Variants in UNC13C observed in about 807,000 individuals in gnomAD.
The protein encoded by UNC13C is unc-13 homolog C, also known as protein unc-13 homolog C.
UNC13C carries 174 observed loss-of-function variants against 245.4 expected under a neutral mutation model. The ratio of observed to expected loss-of-function variants is 0.71; its 90% CI spans 0.63 to 0.80. UNC13C has a LOEUF of 0.80. Ranked by LOEUF, UNC13C falls within the 30% of genes least tolerant of loss-of-function variation. The pLI is 0.00. For synonymous variants in UNC13C, 992 were observed against 895.1 expected (o/e 1.11, Z -1.93); for missense variants, 2,829 against 2,602.9 (o/e 1.09, Z -1.89).
At chr15:54,009,656 C>T (rs1047145035) in intron 1 of UNC13C, among the ~76,000 whole-genome samples, 7 of 151,750 alleles carry the variant, frequency 4.6e-5, no homozygotes, top group Admixed American at 2.0e-4. Flanking sequence ...AAGTGATTCT[C>T]CTGCCTCAGC....
At chr15:53,890,262 C>G in the UNC13C span, among the ~76,000 whole-genome samples, 1 of 152,048 alleles carries the variant, frequency 6.6e-6, no homozygotes, top group Non-Finnish European at 1.5e-5. Context: ...CTGCCTCAGC[C>G]TCCTGAGTAG....
chr15:53,859,628 G>A, the UNC13C span, among the ~76,000 whole-genome samples: 5 of 115,340 alleles, frequency 4.3e-5, no homozygotes, highest in Non-Finnish European at 9.9e-5. Context: ...ATAAGTACAG[G>A]CATACACACA....
At chr15:54,448,216 A>G (rs143469551) in intron 19 of UNC13C, among the ~76,000 whole-genome samples, 21,715 of 152,128 alleles carry the variant, frequency 0.14, 1,576 homozygotes, top group Non-Finnish European at 0.17. Context: ...TTTTGGAATA[A>G]GTGCGGTGTG....
intron 6 of UNC13C, among the ~76,000 whole-genome samples, chr15:54,236,869 A>G (rs1398766478): frequency 3.9e-5 from 6 of 152,166 alleles, no homozygotes; most frequent in Non-Finnish European, 8.8e-5. Flanking sequence ...TTCCACAATG[A>G]CATCCCTTTG....
chr15:53,864,567 A>G, the UNC13C span, among the ~76,000 whole-genome samples: 1 of 152,208 alleles, frequency 6.6e-6, no homozygotes, highest in Non-Finnish European at 1.5e-5. Flanking sequence ...TGTGAATTTC[A>G]GTTTTAAACT....
Position 54,561,456 on chromosome 15 carries a change from A to G in UNC13C, c.5958+5944A>G, listed in dbSNP as rs1374850616. 3.3e-5 allele frequency among the ~76,000 whole-genome samples: 5 copies of G among 152,000 alleles called. No homozygotes were observed. In the East Asian group the frequency reaches 9.7e-4, roughly 29 times the overall value. ...TCTTGAAAGACAGATGGGCGTTTAC[A>G]GGCTGGATAGAAAGTTTTTTTTTGG... is the stretch of plus-strand genomic sequence containing the variant. On this transcript the variant is annotated intron_variant, in intron 29 of 32. Coordinates refer to ENST00000260323, the MANE Select transcript of UNC13C (RefSeq NM_001080534.3).
rs927762915 is a variant in UNC13C, at chr15:54,628,297, T to TAA, written c.*1187_*1188dup. On this transcript the variant is annotated 3_prime_UTR_variant, in exon 33 of 33. Transcript: ENST00000260323. ...GAGTCTATGCCAAAATATATGGCTG[T>TAA]AAAACAGTACTTTGTAATTATAACT... is the stretch of plus-strand genomic sequence containing the variant. 2 of 152,326 alleles carry TAA rather than the reference T, an allele frequency of 1.3e-5. No individual in the cohort carries two copies. Among genetic ancestry groups the TAA allele is most frequent in the African/African-American group, 2.4e-5 (1 of 41,464 alleles). The allele number at this position is 152,326 out of a possible 1,614,324, so 9.4% of individuals were successfully genotyped here.
chr15:54,559,209 C>T (rs1005605583), intron 29 of UNC13C, among the ~76,000 whole-genome samples: 5 of 151,954 alleles, frequency 3.3e-5, no homozygotes, highest in African/African-American at 1.2e-4. Flanking sequence ...TCAAATATAG[C>T]TTTGGAACTT....
the UNC13C span, among the ~76,000 whole-genome samples, chr15:53,877,430 G>C: frequency 2.0e-5 from 3 of 152,216 alleles, no homozygotes; most frequent in South Asian, 6.2e-4. Flanking sequence ...GAATTTCAAA[G>C]GACTGGGTAG....
intron 19 of UNC13C, among the ~76,000 whole-genome samples, chr15:54,428,372 A>G (rs2040800622): frequency 6.6e-6 from 1 of 151,418 alleles, no homozygotes; most frequent in African/African-American, 2.4e-5. Flanking sequence ...AATCGCTCTG[A>G]ACTCTTTGTC....
chr15:54,014,119 A>G lies in UNC13C; in HGVS notation c.1216A>G (p.Thr406Ala), dbSNP rs1240947865. 5.6e-6 allele frequency: 9 copies of G among 1,613,626 alleles called. No individual in the cohort carries two copies. Among genetic ancestry groups the G allele is most frequent in the Non-Finnish European group, 3.4e-6 (4 of 1,179,828 alleles). Residue 406 changes from threonine (T) to alanine (A), a missense_variant, in exon 2 of 33, where the codon ACA becomes GCA. Physicochemically the swap from Thr to Ala is moderately conservative, Grantham distance 58 (BLOSUM62 0). Coordinates refer to ENST00000260323, the MANE Select transcript of UNC13C (RefSeq NM_001080534.3). ...CAAAGGAACAGGCATTGGAATCTCA[A>G]CAGATATTCTAACTCATGACATCAG... is the stretch of plus-strand genomic sequence containing the variant. Reference protein sequence around the residue: ...KLKGTGIGISTDILTHDIRER... With the variant: ...KLKGTGIGISADILTHDIRER...
the UNC13C span, among the ~76,000 whole-genome samples, chr15:53,893,845 T>C: frequency 3.3e-5 from 5 of 152,186 alleles, no homozygotes; most frequent in Admixed American, 2.6e-4. Flanking sequence ...TCAGCACCCC[T>C]TTCAAGGGGA....
intron 2 of UNC13C, among the ~76,000 whole-genome samples, chr15:54,114,517 TG>T (rs1198857738): frequency 1.3e-5 from 2 of 152,204 alleles, no homozygotes; most frequent in Non-Finnish European, 2.9e-5. Flanking sequence ...ACTACTCACA[TG>T]GATGCCTATC....
At chr15:53,892,879 A>C in the UNC13C span, among the ~76,000 whole-genome samples, 1 of 152,220 alleles carries the variant, frequency 6.6e-6, no homozygotes, top group South Asian at 2.1e-4. Flanking sequence ...TTGTCAATTC[A>C]TCAAACTCAT....
chr15:54,525,463 C>A, intron 24 of UNC13C, 86 bp from the exon 25 acceptor site: 1 of 850,026 alleles, frequency 1.2e-6, no homozygotes, highest in Non-Finnish European at 1.8e-6. Flanking sequence ...TTGAAGTTAC[C>A]ATATAATAAT....
rs183047877 is a variant in UNC13C at position 54,216,705 on chromosome 15, T to G, written c.3072-18325T>G. ...CTTAGTTCAGTATTTTATTAATACA[T>G]GCCCAGAGTGAGCGAGATGAAAGAC... On this transcript the variant is annotated intron_variant, in intron 4 of 32. Coordinates refer to ENST00000260323, the MANE Select transcript of UNC13C (RefSeq NM_001080534.3). Among the ~76,000 whole-genome samples, 8 of 152,142 alleles carry G rather than the reference T, an allele frequency of 5.3e-5. No individual in the cohort carries two copies. The East Asian group carries it at 1.5e-3, about 29-fold the overall frequency.
Position 54,014,075 on chromosome 15 carries a change from T to TA in UNC13C, c.1178dup (p.Ser394ValfsTer3). On this transcript the variant is annotated frameshift_variant, in exon 2 of 33. Transcript: ENST00000260323. LOFTEE classifies it high-confidence loss of function. The stretch of plus-strand genomic sequence containing the variant: ...ACCCCTCAACAAAGGGATTCTGTCT[T>TA]AAAAAAGTCATATAAACTCAAAGGA... 1 of 1,613,684 alleles carries TA rather than the reference T, an allele frequency of 6.2e-7. No homozygotes were observed. The highest frequency in any genetic ancestry group is 8.5e-7 in the Non-Finnish European group (1 of 1,179,820).
intron 17 of UNC13C, among the ~76,000 whole-genome samples, chr15:54,357,162 G>A (rs1858359): frequency 0.47 from 71,640 of 151,658 alleles, 17,445 homozygotes; most frequent in East Asian, 0.82. Context: ...CGATCTTTCC[G>A]TCTAGAATTT....
intron 17 of UNC13C, among the ~76,000 whole-genome samples, chr15:54,380,657 C>T (rs577169872): frequency 1.4e-4 from 21 of 152,246 alleles, no homozygotes; most frequent in Admixed American, 2.0e-4. Flanking sequence ...GCCATTCTGA[C>T]AAGTGAAAGG....
Sources: allele counts gnomAD v4.1 joint callset (sites outside exome capture counted in the v4.1 genomes callset), GRCh38; gene constraint gnomAD v4.1.1; transcripts MANE v1.5; gene names NCBI Gene and HGNC (gene_info 2026-07-23, HGNC 2026-07-21).